ASXL2: variants seen among roughly 807,000 people sequenced by gnomAD.
ASXL2 encodes ASXL transcriptional regulator 2.
ASXL2 carries 23 observed loss-of-function variants against 122.0 expected under a neutral mutation model. The observed-to-expected ratio is 0.19, with a 90% CI of 0.14 to 0.27. ASXL2 has a LOEUF of 0.27. Ranked by LOEUF, ASXL2 falls within the 10% of genes least tolerant of loss-of-function variation. ASXL2 has a pLI of 1.00. For missense variants in ASXL2, 1,518 were observed against 1,713.8 expected (o/e 0.89, Z 2.02); for synonymous variants, 650 against 637.0 (o/e 1.02, Z -0.31).
chr2:25,854,875 T>A (rs978614596), intron 1 of ASXL2, among the ~76,000 whole-genome samples: 14 of 152,168 alleles, frequency 9.2e-5, no homozygotes, highest in Admixed American at 4.6e-4. Flanking sequence ...TAAGCCATTT[T>A]AAGAGACTGC....
intron 5 of ASXL2, among the ~76,000 whole-genome samples, chr2:25,777,270 T>C (rs1395958924): frequency 6.6e-6 from 1 of 152,058 alleles, no homozygotes; most frequent in African/African-American, 2.4e-5. Flanking sequence ...AAGTTTTTTT[T>C]TTAAAAGATG....
At chr2:25,843,739 C>T (rs951587576) in intron 2 of ASXL2, among the ~76,000 whole-genome samples, 2 of 146,102 alleles carry the variant, frequency 1.4e-5, no homozygotes, top group African/African-American at 5.1e-5. Context: ...GAGTTGAAGG[C>T]TGCAGTACAC....
intron 1 of ASXL2, among the ~76,000 whole-genome samples, chr2:25,850,850 A>T (rs200416014): frequency 2.6e-5 from 4 of 152,306 alleles, no homozygotes; most frequent in African/African-American, 4.8e-5. Flanking sequence ...AATTCATATT[A>T]AAAAAGCAGG....
intron 1 of ASXL2, among the ~76,000 whole-genome samples, chr2:25,861,436 G>A (rs1223117363): frequency 6.6e-6 from 1 of 152,132 alleles, no homozygotes; most frequent in Non-Finnish European, 1.5e-5. Flanking sequence ...AATCTGAATA[G>A]GCCTATCATC....
chr2:25,793,342 G>T (rs912401265), intron 5 of ASXL2, among the ~76,000 whole-genome samples: 4 of 152,126 alleles, frequency 2.6e-5, no homozygotes, highest in Admixed American at 6.6e-5. Context: ...TTTACATACT[G>T]CTCACTGAGT....
In ASXL2 at chr2:25,799,529, C is replaced by T; in HGVS notation, c.259G>A (p.Val87Met). ...GACAGCTCTTTCACCCCATCCGGCA[C>T]ATCTTTCTGAAAATGTAGGCATCCA... ...RMGVYTLKKDVPDGVKELSEG... is the reference protein window; with the variant it reads ...RMGVYTLKKDMPDGVKELSEG... Residue 87 changes from valine (V) to methionine (M), a missense_variant, in exon 5 of 13, where the codon GTG (valine) becomes ATG (methionine). Coordinates refer to ENST00000435504, the MANE Select transcript of ASXL2 (RefSeq NM_018263.6). 6.2e-7 allele frequency: 1 copy of T among 1,610,276 alleles called. No homozygotes were observed. Among genetic ancestry groups the T allele is most frequent in the Non-Finnish European group, 8.5e-7 (1 of 1,178,436 alleles).
In ASXL2 at chr2:25,771,537, G is replaced by C; in HGVS notation, c.407C>G (p.Ser136Trp). 6.3e-7 allele frequency: 1 copy of C among 1,597,088 alleles called. No individual in the cohort carries two copies. Among genetic ancestry groups the C allele is most frequent in the Non-Finnish European group, 8.5e-7 (1 of 1,171,770 alleles). ...GKKSRWKRKVSSSSPQSGCPS... is the reference protein window; with the variant it reads ...GKKSRWKRKVWSSSPQSGCPS... ...GCAGCCTGACTGCGGGGAGGACGAC[G>C]ATACTAGGGAAAAAAAAGTGACAAT... The change falls in exon 6 of 13, where the codon TCG becomes TGG. Residue 136 changes from serine to tryptophan, a missense_variant. This residue lies in a region of ASXL2 where 198 missense variants were observed against 209.0 expected (regional missense o/e 0.95). Transcript: ENST00000435504.
At chr2:25,853,777 A>G (rs1413269199) in intron 1 of ASXL2, among the ~76,000 whole-genome samples, 1 of 151,744 alleles carries the variant, frequency 6.6e-6, no homozygotes, top group Non-Finnish European at 1.5e-5. Context: ...CCAAGTAGCT[A>G]GGACTACAAG....
chr2:25,810,387 A>C (rs1466986132), intron 3 of ASXL2: 1 of 664,780 alleles, frequency 1.5e-6, no homozygotes. Context: ...CAACCTTCAT[A>C]TCTCTCTCAC....
chr2:25,842,964 C>T (rs936956153), intron 2 of ASXL2, among the ~76,000 whole-genome samples: 3 of 150,574 alleles, frequency 2.0e-5, no homozygotes, highest in Non-Finnish European at 4.4e-5. Context: ...TGGGATTACA[C>T]GCAAGCGTCA....
At chr2:25,831,631 G>A (rs2089452043) in intron 3 of ASXL2, among the ~76,000 whole-genome samples, 1 of 152,082 alleles carries the variant, frequency 6.6e-6, no homozygotes. Flanking sequence ...TCCAGCCTGG[G>A]CAACAAAATG....
chr2:25,748,826 A>G (rs2087986121), intron 12 of ASXL2, among the ~76,000 whole-genome samples: 1 of 152,250 alleles, frequency 6.6e-6, no homozygotes, highest in Admixed American at 6.5e-5. Context: ...TTGTATATTA[A>G]GACAGTCAAA....
chr2:25,857,300 T>C (rs1211026682), intron 1 of ASXL2, among the ~76,000 whole-genome samples: 4 of 152,138 alleles, frequency 2.6e-5, no homozygotes. Flanking sequence ...CACATTCTAC[T>C]GCAAAAATAG....
In ASXL2 at chr2:25,836,390, A is replaced by G. The variant is rs1374174415; in HGVS notation, c.141-850T>C. 2.6e-5 allele frequency among the ~76,000 whole-genome samples: 4 copies of G among 152,158 alleles called. No individual in the cohort carries two copies. The East Asian group carries it at 7.7e-4, about 29-fold the overall frequency. ...ATTCAGCTTGGCAAATAATCAAATG[A>G]TCTACTCTGCAGGGATAAGGATTTC... On this transcript the variant is annotated intron_variant, in intron 2 of 12. Transcript: ENST00000435504.
At chr2:25,810,739 T>G (rs569762619) in intron 3 of ASXL2, 1 of 597,726 alleles carries the variant, frequency 1.7e-6, no homozygotes, top group East Asian at 4.2e-5. Flanking sequence ...GTGTATCAAG[T>G]CTTGCCTTGA....
chr2:25,803,316 T>C (rs147558126), intron 4 of ASXL2, among the ~76,000 whole-genome samples: 4 of 152,332 alleles, frequency 2.6e-5, no homozygotes, highest in Non-Finnish European at 4.4e-5. Context: ...TTATAATAAA[T>C]GGGTAAATGT....
chr2:25,761,748 A>G (rs916062076), intron 8 of ASXL2, among the ~76,000 whole-genome samples: 4 of 152,120 alleles, frequency 2.6e-5, no homozygotes, highest in African/African-American at 9.7e-5. Flanking sequence ...AAGGTAGATA[A>G]TATCTGTAAA....
chr2:25,863,647 C>G (rs758292275), intron 1 of ASXL2, among the ~76,000 whole-genome samples: 1 of 151,700 alleles, frequency 6.6e-6, no homozygotes, highest in African/African-American at 2.4e-5. Context: ...GAGCCGAGAT[C>G]GCGCCACTGC....
At chr2:25,870,719 A>G (rs1292319762) in intron 1 of ASXL2, among the ~76,000 whole-genome samples, 9 of 152,180 alleles carry the variant, frequency 5.9e-5, no homozygotes, top group Admixed American at 5.9e-4. Context: ...TAAATACACA[A>G]GTAATGACAC....
Sources: allele counts gnomAD v4.1 joint callset (sites outside exome capture counted in the v4.1 genomes callset), GRCh38; gene constraint gnomAD v4.1.1; regional missense constraint gnomAD v4.1.1; transcripts MANE v1.5; gene names NCBI Gene and HGNC (gene_info 2026-07-23, HGNC 2026-07-21).